The following MIOS variants were observed in gnomAD, a reference collection of about 807,000 sequenced individuals.
MIOS encodes the protein meiosis regulator for oocyte development.
Under a neutral mutation model 96.9 loss-of-function variants are expected in MIOS, and 52 were observed. The observed-to-expected ratio is 0.54, with a 90% CI of 0.43 to 0.68. The LOEUF is 0.68. Among genes scored for constraint, MIOS ranks in the 30% least tolerant of loss-of-function variants. MIOS has a pLI of 0.00. For missense variants in MIOS, 1,005 were observed against 1,052.8 expected (o/e 0.95, Z 0.63); for synonymous variants, 397 against 359.5 (o/e 1.10, Z -1.18).
intron 5 of MIOS, among the ~76,000 whole-genome samples, chr7:7,576,026 C>A (rs747331864): frequency 1.3e-5 from 2 of 152,086 alleles, no homozygotes; most frequent in Non-Finnish European, 2.9e-5. Context: ...CTCTAATAAT[C>A]AACACATGGT....
intron 11 of MIOS, among the ~76,000 whole-genome samples, chr7:7,603,452 C>G (rs1371344934): frequency 6.6e-6 from 1 of 151,984 alleles, no homozygotes; most frequent in Non-Finnish European, 1.5e-5. Context: ...CCAAAAAACA[C>G]GTGAAAAAAT....
intron 12 of MIOS, 42 bp downstream of exon 12, chr7:7,606,113 G>A (rs774267992): frequency 3.1e-5 from 50 of 1,599,654 alleles, no homozygotes; most frequent in African/African-American, 4.0e-5. Flanking sequence ...GGAGTTATGG[G>A]GGATAACACA....
chr7:7,600,380 A>T (rs555532132), intron 11 of MIOS, among the ~76,000 whole-genome samples: 1 of 152,302 alleles, frequency 6.6e-6, no homozygotes, highest in South Asian at 2.1e-4. Context: ...AGGAAGATCT[A>T]CCAAGCAAAT....
intron 5 of MIOS, among the ~76,000 whole-genome samples, chr7:7,581,482 C>T (rs1783723435): frequency 6.6e-6 from 1 of 152,054 alleles, no homozygotes; most frequent in African/African-American, 2.4e-5. Context: ...TTCCATGGGT[C>T]AGGAGTCTGG....
chr7:7,569,751 G>T (rs1265858649), intron 3 of MIOS, among the ~76,000 whole-genome samples: 2 of 152,152 alleles, frequency 1.3e-5, no homozygotes. Flanking sequence ...ACCAGACCTC[G>T]ACTAGGGAGG....
intron 12 of MIOS, among the ~76,000 whole-genome samples, chr7:7,606,749 A>G (rs1784541867): frequency 6.6e-6 from 1 of 152,028 alleles, no homozygotes; most frequent in African/African-American, 2.4e-5. Context: ...TTTAGTTTCT[A>G]TATTTTTCCA....
intron 5 of MIOS, among the ~76,000 whole-genome samples, chr7:7,582,356 TAA>T (rs1228892788): frequency 2.6e-5 from 4 of 152,202 alleles, no homozygotes; most frequent in Non-Finnish European, 4.4e-5. Context: ...TTATAGTTCT[TAA>T]GTGTCATCTT....
chr7:7,573,259 A>C lies in MIOS; in HGVS notation c.784A>C (p.Thr262Pro). ...TAGAAAATTTGAGAAGCCAGTTTTGACATTGACTGAGCAACCAAAACCCTT... is the reference window on the plus strand; with the variant it reads ...TAGAAAATTTGAGAAGCCAGTTTTGCCATTGACTGAGCAACCAAAACCCTT... Reference protein sequence around the residue: ...DLRKFEKPVLTLTEQPKPLTK... With the variant: ...DLRKFEKPVLPLTEQPKPLTK... Residue 262 changes from threonine to proline, a missense_variant, in exon 4 of 13, where the codon ACA (threonine) becomes CCA (proline). Physicochemically the swap from Thr to Pro is conservative, Grantham distance 38. This residue lies in a region of MIOS where 865 missense variants were observed against 887.9 expected (regional missense o/e 0.97). Coordinates refer to ENST00000340080, the MANE Select transcript of MIOS (RefSeq NM_019005.4). This position sits in a 1 kb window ranked among gnomAD's most constrained non-coding sequence, Gnocchi z 5.0. 6.2e-7 allele frequency: 1 copy of C among 1,614,166 alleles called. No homozygotes were observed. The highest frequency in any genetic ancestry group is 8.5e-7 in the Non-Finnish European group (1 of 1,179,990).
chr7:7,609,017 A>G (rs1441993386), downstream of MIOS: 1 of 152,040 alleles, frequency 6.6e-6, no homozygotes, highest in Non-Finnish European at 1.5e-5. Context: ...TCACTAAGTC[A>G]CTGGTATTTG....
chr7:7,585,499 G>A (rs1370488856), intron 6 of MIOS, 137 bp from the exon 7 acceptor site: 2 of 584,052 alleles, frequency 3.4e-6, no homozygotes, highest in African/African-American at 2.0e-5. Flanking sequence ...AGGCAGAGCA[G>A]CCCAAAACCC....
At chr7:7,588,922 A>G (rs1783968318) in intron 8 of MIOS, among the ~76,000 whole-genome samples, 1 of 152,154 alleles carries the variant, frequency 6.6e-6, no homozygotes, top group Non-Finnish European at 1.5e-5. Flanking sequence ...CATGTAAACA[A>G]CCAGTAATAC....
Position 7,572,417 on chromosome 7 carries a change from T to G in MIOS, c.-40-19T>G. On this transcript the variant is annotated intron_variant, in intron 3 of 12. Coordinates refer to ENST00000340080, the MANE Select transcript of MIOS (RefSeq NM_019005.4). The surrounding 1 kb of genome is among the most constrained non-coding windows in gnomAD (Gnocchi z 4.8). ...ATTTTGCTGATATTTTAAAACTTTT[T>G]ATTTTTAAACATTTTCAGTGAATGG... 5 of 1,321,092 alleles carry G rather than the reference T, an allele frequency of 3.8e-6. No individual in the cohort carries two copies. Among genetic ancestry groups the G allele is most frequent in the East Asian group, 2.4e-5 (1 of 41,160 alleles). 81.8% of individuals were successfully genotyped at this position (1,321,092 alleles called of 1,614,324 possible).
At chr7:7,569,909 G>A (rs1352107517) in intron 3 of MIOS, among the ~76,000 whole-genome samples, 1 of 152,220 alleles carries the variant, frequency 6.6e-6, no homozygotes, top group Non-Finnish European at 1.5e-5. Flanking sequence ...AAAGGACAGT[G>A]TAAAAGGACA....
At chr7:7,604,232 A>T (rs972137405) in intron 11 of MIOS, among the ~76,000 whole-genome samples, 1 of 152,094 alleles carries the variant, frequency 6.6e-6, no homozygotes, top group African/African-American at 2.4e-5. Flanking sequence ...AAAAAAAAAT[A>T]AAGTGCTGGC....
intron 10 of MIOS, 144 bp from the exon 11 acceptor site, chr7:7,596,113 A>G (rs752087429): frequency 1.4e-5 from 9 of 631,746 alleles, no homozygotes; most frequent in Non-Finnish European, 1.5e-5. Context: ...AATGAAAGCT[A>G]GTCAACCTTA....
intron 5 of MIOS, 187 bp from the exon 6 acceptor site, chr7:7,582,928 CAAG>C (rs1406289073): frequency 3.2e-6 from 2 of 628,420 alleles, no homozygotes; most frequent in Non-Finnish European, 2.5e-6. Context: ...TTTGCTAACT[CAAG>C]GAGCTACTGT....
At chr7:7,584,125 A>C (rs1383214815) in intron 6 of MIOS, among the ~76,000 whole-genome samples, 1 of 152,118 alleles carries the variant, frequency 6.6e-6, no homozygotes, top group Non-Finnish European at 1.5e-5. Flanking sequence ...CCATTTTGAA[A>C]CCATTATAGT....
rs1390920163 is a variant in MIOS, at chr7:7,607,810, T to C, written c.*718T>C. The C allele has an allele frequency of 6.6e-6, 1 of 152,162 alleles. No homozygotes were observed. Among genetic ancestry groups the C allele is most frequent in the East Asian group, 1.9e-4 (1 of 5,198 alleles). The allele number at this position is 152,162 out of a possible 1,614,324, so 9.4% of individuals were successfully genotyped here. A position where few individuals can be genotyped will look rare whatever the true frequency, so the allele number is the denominator to read the frequency against. On this transcript the variant is annotated 3_prime_UTR_variant, in exon 13 of 13. Transcript: ENST00000340080. ...TTTTTCTCTTCAGTAGAGAAAAACA[T>C]GTACCATTTCAGGTGAACATACAAA...
At chr7:7,598,460 T>C (rs905460097) in intron 11 of MIOS, among the ~76,000 whole-genome samples, 2 of 152,066 alleles carry the variant, frequency 1.3e-5, no homozygotes, top group Non-Finnish European at 2.9e-5. Flanking sequence ...TACATTTTAG[T>C]TTTGATTTAA....
Sources: allele counts gnomAD v4.1 joint callset (sites outside exome capture counted in the v4.1 genomes callset), GRCh38; gene constraint gnomAD v4.1.1; regional missense constraint gnomAD v4.1.1; non-coding constraint Gnocchi (gnomAD v3.1); transcripts MANE v1.5; gene names NCBI Gene and HGNC (gene_info 2026-07-23, HGNC 2026-07-21).